Variants in G2E3 observed in about 807,000 individuals in gnomAD.
G2E3 encodes the protein G2/M phase-specific E3 ubiquitin-protein ligase.
G2E3 carries 35 observed loss-of-function variants against 92.8 expected under a neutral mutation model. The observed-to-expected ratio is 0.38, with a 90% CI of 0.29 to 0.50. G2E3 has a LOEUF of 0.50. Ranked by LOEUF, G2E3 falls within the 20% of genes least tolerant of loss-of-function variation. The pLI is 0.94. For missense variants in G2E3, 554 were observed against 823.8 expected (o/e 0.67, Z 4.01); for synonymous variants, 242 against 272.4 (o/e 0.89, Z 1.10).
In G2E3 at chr14:30,593,438, T is replaced by C. The variant is rs774593357; in HGVS notation, c.363-36T>C. The C allele has an allele frequency of 3.6e-6, 4 of 1,116,788 alleles. No individual in the cohort carries two copies. In the East Asian group the frequency reaches 9.7e-5, roughly 27 times the overall value. The allele number at this position is 1,116,788 out of a possible 1,614,324, so 69.2% of individuals were successfully genotyped here. A position where few individuals can be genotyped will look rare whatever the true frequency, so the allele number is the denominator to read the frequency against. On this transcript the variant is annotated intron_variant, in intron 5 of 14. Coordinates refer to ENST00000206595, the MANE Select transcript of G2E3 (RefSeq NM_017769.5). ...GTGTTTTCCAAGTTTTGCTTTGCAG[T>C]TCATGAGATTTTTTTAAAATAATTT...
At chr14:30,566,345 A>G (rs1464475925) in intron 1 of G2E3, among the ~76,000 whole-genome samples, 1 of 152,194 alleles carries the variant, frequency 6.6e-6, no homozygotes, top group African/African-American at 2.4e-5. Context: ...GAGTATAACC[A>G]TCTTAATGAA....
chr14:30,612,424 T>G, intron 13 of G2E3, 45 bp downstream of exon 13: 3 of 1,179,596 alleles, frequency 2.5e-6, no homozygotes, highest in Non-Finnish European at 3.6e-6. Flanking sequence ...ATTACATGTT[T>G]AAAGTGGTTA....
intron 12 of G2E3, chr14:30,611,576 T>C (rs983501236): frequency 6.6e-6 from 1 of 152,228 alleles, no homozygotes; most frequent in East Asian, 1.9e-4. Flanking sequence ...TGTCCATCTT[T>C]TAATTCTCAG....
intron 1 of G2E3, among the ~76,000 whole-genome samples, chr14:30,573,104 A>G (rs2138790705): frequency 6.6e-6 from 1 of 152,184 alleles, no homozygotes; most frequent in Non-Finnish European, 1.5e-5. Flanking sequence ...AGTAGCTGGG[A>G]CTACAGGTGC....
intron 2 of G2E3, among the ~76,000 whole-genome samples, chr14:30,581,957 T>A (rs1880458721): frequency 6.6e-6 from 1 of 152,216 alleles, no homozygotes; most frequent in East Asian, 1.9e-4. Context: ...AATATTATTC[T>A]TACAACTCTA....
At chr14:30,592,567 C>T (rs1881072178) in intron 5 of G2E3, 120 bp downstream of exon 5, 2 of 726,644 alleles carry the variant, frequency 2.8e-6, no homozygotes, top group Admixed American at 3.4e-5. Flanking sequence ...TTAGATATAA[C>T]ATTATATGTA....
At chr14:30,563,821 G>A (rs1479299370) in intron 1 of G2E3, among the ~76,000 whole-genome samples, 1 of 151,778 alleles carries the variant, frequency 6.6e-6, no homozygotes. Context: ...CCCGGTTCCA[G>A]TGATTCTCCT....
At chr14:30,609,504 ACTT>A (rs550810675) in intron 12 of G2E3, among the ~76,000 whole-genome samples, 23 of 152,006 alleles carry the variant, frequency 1.5e-4, no homozygotes, top group Non-Finnish European at 2.9e-4. Flanking sequence ...AATGCTTCTT[ACTT>A]CTTCTTACCC....
chr14:30,573,110 G>A (rs970958901), intron 1 of G2E3, among the ~76,000 whole-genome samples: 1 of 151,816 alleles, frequency 6.6e-6, no homozygotes, highest in African/African-American at 2.4e-5. Context: ...TGGGACTACA[G>A]GTGCATAACA....
chr14:30,564,858 C>G (rs1019976231), intron 1 of G2E3, among the ~76,000 whole-genome samples: 1 of 152,168 alleles, frequency 6.6e-6, no homozygotes, highest in Non-Finnish European at 1.5e-5. Context: ...TATATCCATT[C>G]ATCAATTGAT....
At chr14:30,570,221 T>A (rs1016002467) in intron 1 of G2E3, among the ~76,000 whole-genome samples, 5 of 152,220 alleles carry the variant, frequency 3.3e-5, no homozygotes, top group African/African-American at 1.2e-4. Context: ...TATGTGTTAA[T>A]CACTTCTCTC....
rs1435824116 is a variant in G2E3 at position 30,605,735 on chromosome 14, G to A, written c.1241G>A (p.Ser414Asn). 4.4e-6 allele frequency: 7 copies of A among 1,608,092 alleles called. No individual in the cohort carries two copies. The highest frequency in any genetic ancestry group is 6.0e-6 in the Non-Finnish European group (7 of 1,176,336). ...CCTGGATCAAAGCAAGAATTTCTGA[G>A]TCTCTTAATGCAACATCTTGAGAAC... ...EHPGSKQEFL[S>N]LLMQHLENSS... is the part of the protein sequence containing the mutation. Residue 414 changes from serine (S) to asparagine (N), a missense_variant, in exon 11 of 15, where the codon AGT (serine) becomes AAT (asparagine). Physicochemically the swap from Ser to Asn is conservative, Grantham distance 46 (BLOSUM62 1). Transcript: ENST00000206595.
intron 2 of G2E3, among the ~76,000 whole-genome samples, chr14:30,586,265 C>A (rs1218350297): frequency 6.6e-6 from 1 of 152,166 alleles, no homozygotes; most frequent in African/African-American, 2.4e-5. Context: ...ACGGGCCACC[C>A]CAAGACCACT....
intron 2 of G2E3, among the ~76,000 whole-genome samples, chr14:30,585,585 C>T (rs1396093745): frequency 2.1e-5 from 3 of 144,546 alleles, no homozygotes; most frequent in African/African-American, 5.0e-5. Flanking sequence ...TCTTCTCCCC[C>T]TTTTTTTTTT....
intron 12 of G2E3, chr14:30,611,855 T>A (rs988805948): frequency 6.0e-6 from 1 of 165,620 alleles, no homozygotes; most frequent in Non-Finnish European, 1.3e-5. Context: ...GCTAGCTGTG[T>A]TGCCCAGGAT....
At chr14:30,585,502 A>G (rs958542224) in intron 2 of G2E3, among the ~76,000 whole-genome samples, 4 of 151,640 alleles carry the variant, frequency 2.6e-5, no homozygotes, top group Non-Finnish European at 5.9e-5. Context: ...CTTCTTTTTC[A>G]TTGATCTATA....
chr14:30,594,928 A>C (rs778683927), intron 6 of G2E3, among the ~76,000 whole-genome samples: 5 of 151,756 alleles, frequency 3.3e-5, no homozygotes, highest in Non-Finnish European at 5.9e-5. Context: ...CAGGAGTTCG[A>C]GACCAGCATG....
At chr14:30,594,406 T>C (rs955628430) in intron 6 of G2E3, among the ~76,000 whole-genome samples, 1 of 152,194 alleles carries the variant, frequency 6.6e-6, no homozygotes, top group African/African-American at 2.4e-5. Context: ...TTAAAAGATG[T>C]AGGCCGGGTG....
Position 30,612,312 on chromosome 14 carries a change from A to AT in G2E3, c.1606_1607insT (p.Lys536IlefsTer22). ...CAGACTTATAACGACATTAAGTGAT[A>AT]AATATATGTTAGTAAAAGACATACT... On this transcript the variant is annotated frameshift_variant, in exon 13 of 15. Coordinates refer to ENST00000206595, the MANE Select transcript of G2E3 (RefSeq NM_017769.5). LOFTEE classifies it high-confidence loss of function. The AT allele has an allele frequency of 3.1e-6, 5 of 1,605,730 alleles. No individual in the cohort carries two copies. Among genetic ancestry groups the AT allele is most frequent in the Non-Finnish European group, 4.3e-6 (5 of 1,173,002 alleles).
Sources: allele counts gnomAD v4.1 joint callset (sites outside exome capture counted in the v4.1 genomes callset), GRCh38; gene constraint gnomAD v4.1.1; transcripts MANE v1.5; gene names NCBI Gene and HGNC (gene_info 2026-07-23, HGNC 2026-07-21).